TRPC5: variants seen among roughly 807,000 people sequenced by gnomAD.
TRPC5 encodes transient receptor potential cation channel subfamily C member 5, also known as short transient receptor potential channel 5.
TRPC5 carries 9 observed loss-of-function variants against 56.5 expected under a neutral mutation model. The ratio of observed to expected loss-of-function variants is 0.16; its 90% CI spans 0.10 to 0.28. The LOEUF (loss-of-function observed/expected upper bound fraction) is 0.28, where lower values mean the gene tolerates loss of function less well. Among genes scored for constraint, TRPC5 ranks in the 10% least tolerant of loss-of-function variants. TRPC5 has a pLI of 1.00. For synonymous variants in TRPC5, 282 were observed against 278.5 expected (o/e 1.01, Z -0.13); for missense variants, 469 against 748.9 (o/e 0.63, Z 4.36).
intron 3 of TRPC5, among the ~76,000 whole-genome samples, chrX:111,894,259 C>G (rs892717030): frequency 1.2e-4 from 13 of 111,805 alleles, no homozygotes; most frequent in African/African-American, 3.9e-4. Flanking sequence ...TTTCTTTGCT[C>G]CTTTTCCATC....
At chrX:112,046,860 C>T (rs1930040476) in intron 1 of TRPC5, among the ~76,000 whole-genome samples, 2 of 111,431 alleles carry the variant, frequency 1.8e-5, no homozygotes, top group Admixed American at 1.9e-4. Flanking sequence ...ATGGACAGAC[C>T]ATCTCTGTCC....
chrX:111,770,513 T>A lies in TRPC5; in HGVS notation c.*5800A>T. On this transcript the variant is annotated 3_prime_UTR_variant, in exon 11 of 11. Transcript: ENST00000262839. ...TTTTAATTAACCATTTTAAATTATA[T>A]TTTTAATTCAGGTTATTCATCTCAA... Among the ~76,000 whole-genome samples, 1 of 112,456 alleles carries A rather than the reference T, an allele frequency of 8.9e-6. No homozygotes were observed. The highest frequency in any genetic ancestry group is 4.6e-3 in the Middle Eastern group (1 of 219).
In TRPC5 at chrX:112,062,905, G is replaced by A. The variant is rs138544095; in HGVS notation, c.-22+18974C>T. 2.8e-3 allele frequency among the ~76,000 whole-genome samples: 311 copies of A among 111,442 alleles called. 3 individuals carry two copies. The highest frequency in any genetic ancestry group is 9.7e-3 in the African/African-American group (296 of 30,628). ...GGACCAGCTCGGAGGCTTAGCTTGC[G>A]GATAAGGGCAGTAAGTAGGGTAATA... On this transcript the variant is annotated intron_variant, in intron 1 of 10. Coordinates refer to ENST00000262839, the MANE Select transcript of TRPC5 (RefSeq NM_012471.3).
chrX:111,793,835 G>A (rs1389906259), intron 7 of TRPC5, among the ~76,000 whole-genome samples: 13 of 112,205 alleles, frequency 1.2e-4, no homozygotes, highest in Non-Finnish European at 2.4e-4. Flanking sequence ...TGAACAAAAT[G>A]TGGCACATTC....
chrX:111,999,046 T>C (rs750575785), intron 1 of TRPC5, among the ~76,000 whole-genome samples: 7 of 111,578 alleles, frequency 6.3e-5, no homozygotes, highest in Non-Finnish European at 1.3e-4. Flanking sequence ...ATCTAGGTTT[T>C]ATGCCCCACA....
At chrX:111,935,649 T>C (rs1180750497) in intron 2 of TRPC5, among the ~76,000 whole-genome samples, 1 of 112,157 alleles carries the variant, frequency 8.9e-6, no homozygotes, top group Non-Finnish European at 1.9e-5. Flanking sequence ...TTTTTGTATA[T>C]GGCAAGAGAT....
intron 1 of TRPC5, among the ~76,000 whole-genome samples, chrX:111,957,541 A>AT (rs773175785): frequency 8.8e-4 from 98 of 111,791 alleles, no homozygotes; most frequent in African/African-American, 2.8e-3. Context: ...AGGTTAAGTA[A>AT]TTTTTTAAGG....
Position 111,781,499 on chromosome X carries a change from G to C in TRPC5, c.2101-293C>G, listed in dbSNP as rs5985649. Among the ~76,000 whole-genome samples, 991 of 112,108 alleles carry C rather than the reference G, an allele frequency of 8.8e-3. 16 individuals carry two copies. The highest frequency in any genetic ancestry group is 0.03 in the African/African-American group (913 of 30,873). ...CCAGCACTTTGGGAGGCCAAGGCAG[G>C]AGGATCACGAGGTCAGGAGTTCAAG... On this transcript the variant is annotated intron_variant, in intron 8 of 10. Coordinates refer to ENST00000262839, the MANE Select transcript of TRPC5 (RefSeq NM_012471.3).
chrX:111,951,142 C>G (rs888490249), intron 2 of TRPC5, among the ~76,000 whole-genome samples: 11 of 112,025 alleles, frequency 9.8e-5, no homozygotes, highest in Non-Finnish European at 2.1e-4. Context: ...TCTAGGACAG[C>G]AGTTCTCAAA....
intron 3 of TRPC5, chrX:111,876,141 G>A (rs1020287942): frequency 9.0e-6 from 1 of 111,027 alleles, no homozygotes; most frequent in Non-Finnish European, 1.9e-5. Flanking sequence ...TTATGTAGAC[G>A]GAAGAGGAGG....
intron 1 of TRPC5, among the ~76,000 whole-genome samples, chrX:112,008,535 G>A (rs1928902908): frequency 9.2e-6 from 1 of 108,537 alleles, no homozygotes. Context: ...GGGAGGTGGA[G>A]CTTGCAGTGA....
intron 1 of TRPC5, among the ~76,000 whole-genome samples, chrX:112,028,974 A>C (rs1182071868): frequency 8.9e-6 from 1 of 111,883 alleles, no homozygotes; most frequent in Non-Finnish European, 1.9e-5. Context: ...AATTTGTTGA[A>C]TTTTCTGCTG....
chrX:111,950,626 A>G, intron 2 of TRPC5, among the ~76,000 whole-genome samples: 1 of 111,842 alleles, frequency 8.9e-6, no homozygotes, highest in East Asian at 2.8e-4. Context: ...TACTCATGTA[A>G]CCAAACACTA....
chrX:111,906,050 T>TC (rs1925608292), intron 3 of TRPC5, among the ~76,000 whole-genome samples: 2 of 109,701 alleles, frequency 1.8e-5, no homozygotes. Context: ...TTCAGATTCC[T>TC]CTAATCAAAG....
intron 1 of TRPC5, among the ~76,000 whole-genome samples, chrX:112,051,881 C>CT (rs775274896): frequency 1.8e-5 from 2 of 112,194 alleles, no homozygotes; most frequent in East Asian, 5.6e-4. Flanking sequence ...CAGAAGTTGG[C>CT]TTTTTCCGAG....
intron 1 of TRPC5, among the ~76,000 whole-genome samples, chrX:111,967,535 C>CA (rs1469797585): frequency 9.0e-6 from 1 of 111,584 alleles, no homozygotes; most frequent in African/African-American, 3.3e-5. Flanking sequence ...AATCCTAAGC[C>CA]AAAAGAACAA....
At chrX:111,979,676 T>G (rs1410820963) in intron 1 of TRPC5, among the ~76,000 whole-genome samples, 5 of 111,541 alleles carry the variant, frequency 4.5e-5, no homozygotes, top group African/African-American at 1.6e-4. Context: ...AAAAGATACT[T>G]CACCAAAAAG....
At chrX:111,885,543 T>G (rs1202511747) in intron 3 of TRPC5, among the ~76,000 whole-genome samples, 18 of 94,249 alleles carry the variant, frequency 1.9e-4, no homozygotes, top group African/African-American at 6.4e-4. Context: ...AATCAAAGGG[T>G]TTTTTTTTTT....
chrX:112,025,220 G>T (rs184941478), intron 1 of TRPC5, among the ~76,000 whole-genome samples: 2 of 111,808 alleles, frequency 1.8e-5, no homozygotes, highest in Non-Finnish European at 3.8e-5. Context: ...TAATCAAAAC[G>T]CACTGTAAAT....
Sources: allele counts gnomAD v4.1 joint callset (sites outside exome capture counted in the v4.1 genomes callset), GRCh38; gene constraint gnomAD v4.1.1; transcripts MANE v1.5; gene names NCBI Gene and HGNC (gene_info 2026-07-23, HGNC 2026-07-21).